SLC4A10: variants seen among roughly 807,000 people sequenced by gnomAD.
SLC4A10 encodes sodium-driven chloride bicarbonate exchanger.
In SLC4A10, 42 loss-of-function variants were observed where a neutral mutation model predicts 137.7. The observed-to-expected ratio is 0.30, with a 90% confidence interval of 0.24 to 0.39. SLC4A10 has a LOEUF of 0.39. Ranked by LOEUF, SLC4A10 falls within the 10% of genes least tolerant of loss-of-function variation. The pLI is 1.00. For missense variants in SLC4A10, 925 were observed against 1,355.0 expected, an observed-to-expected ratio of 0.68 and a Z score of 4.98; for synonymous variants, 474 against 464.1, an observed-to-expected ratio of 1.02 and a Z score of -0.27.
intron 15 of SLC4A10, among the ~76,000 whole-genome samples, chr2:161,914,868 C>G (rs1686742012): frequency 6.6e-6 from 1 of 152,038 alleles, no homozygotes; most frequent in African/African-American, 2.4e-5. Flanking sequence ...TCGATAGTAA[C>G]AGGAGTCAGA....
Position 161,804,544 on chromosome 2 carries a change from G to C in SLC4A10, c.226G>C (p.Asp76His). 1.2e-6 allele frequency: 2 copies of C among 1,613,048 alleles called. No homozygotes were observed. Among genetic ancestry groups the C allele is most frequent in the Non-Finnish European group, 1.7e-6 (2 of 1,179,404 alleles). Residue 76 changes from aspartate to histidine, a missense_variant, in exon 3 of 27, where the codon GAC (aspartate) becomes CAC (histidine). Asp to His is a moderately conservative substitution (Grantham distance 81, BLOSUM62 -1). Coordinates refer to ENST00000446997, the MANE Select transcript of SLC4A10 (RefSeq NM_001178015.2). ...TCGTGGTCATAAACACAGAAAGAGAGACAGAGAAAGAGATTCAGGATTAGA... is the reference window on the plus strand; with the variant it reads ...TCGTGGTCATAAACACAGAAAGAGACACAGAGAAAGAGATTCAGGATTAGA... ...RHRGHKHRKRDRERDSGLEDG... is the reference protein window; with the variant it reads ...RHRGHKHRKRHRERDSGLEDG...
In SLC4A10 at chr2:161,874,188, A is replaced by G. The variant is rs540476259; in HGVS notation, c.948+183A>G. Among the ~76,000 whole-genome samples the G allele has an allele frequency of 4.6e-5, 7 of 152,346 alleles. No individual in the cohort carries two copies. The South Asian group carries it at 6.2e-4, about 14-fold the overall frequency. ...GGAAAAAGTTGTCACAAACTGCCATACATTTAATTTCTGATATTCTTAATT... is the reference window on the plus strand; with the variant it reads ...GGAAAAAGTTGTCACAAACTGCCATGCATTTAATTTCTGATATTCTTAATT... On this transcript the variant is annotated intron_variant, in intron 8 of 26. Transcript: ENST00000446997.
At chr2:161,740,791 A>T (rs1417052651) in intron 1 of SLC4A10, among the ~76,000 whole-genome samples, 1 of 152,206 alleles carries the variant, frequency 6.6e-6, no homozygotes, top group Non-Finnish European at 1.5e-5. Flanking sequence ...TTATGATACT[A>T]GGTAGTGAAA....
Position 161,688,457 on chromosome 2 carries a change from G to A in SLC4A10, c.48+63891G>A, listed in dbSNP as rs2041663121. ...AATACATCTCTTGGGTAGAGTATGC[G>A]ATGCATTAGTACTCCCTGAGGTTTG... On this transcript the variant is annotated intron_variant, in intron 1 of 26. Transcript: ENST00000446997. Among the ~76,000 whole-genome samples the A allele has an allele frequency of 2.6e-5, 4 of 152,134 alleles. No homozygotes were observed. In the South Asian group the frequency reaches 6.2e-4, roughly 24 times the overall value.
chr2:161,911,105 A>T (rs1022150920), intron 15 of SLC4A10, among the ~76,000 whole-genome samples: 3 of 151,984 alleles, frequency 2.0e-5, no homozygotes, highest in Admixed American at 6.6e-5. Context: ...TTAAGTATAC[A>T]TTAAGTGATA....
At chr2:161,897,319 G>T (rs2063605536) in intron 11 of SLC4A10, among the ~76,000 whole-genome samples, 1 of 152,122 alleles carries the variant, frequency 6.6e-6, no homozygotes, top group African/African-American at 2.4e-5. Flanking sequence ...TACTGAATCT[G>T]CCTCCCACAA....
intron 1 of SLC4A10, among the ~76,000 whole-genome samples, chr2:161,693,897 T>A (rs1424058799): frequency 2.6e-5 from 4 of 151,966 alleles, no homozygotes; most frequent in Non-Finnish European, 5.9e-5. Context: ...GTTGTTTCCA[T>A]ATAATGGCCA....
chr2:161,900,998 C>T lies in SLC4A10; in HGVS notation c.1429C>T (p.Gln477Ter). 1 of 1,564,056 alleles carries T rather than the reference C, an allele frequency of 6.4e-7. No homozygotes were observed. ...CGGAGGACATAGTGGACCTGAACTCCAGCGAACTGGAAGGTTAGTGAAAAT... is the reference window on the plus strand; with the variant it reads ...CGGAGGACATAGTGGACCTGAACTCTAGCGAACTGGAAGGTTAGTGAAAAT... Reference protein sequence around the residue: ...PHGGHSGPELQRTGRIFGGLI... With the variant: ...PHGGHSGPEL The change falls in exon 12 of 27, where the codon CAG (glutamine) becomes TAG (stop). Residue 477 changes from glutamine to a stop codon, truncating the protein, a stop_gained. Coordinates refer to ENST00000446997, the MANE Select transcript of SLC4A10 (RefSeq NM_001178015.2). LOFTEE classifies it high-confidence loss of function.
chr2:161,734,586 T>A (rs1009593908), intron 1 of SLC4A10, among the ~76,000 whole-genome samples: 32 of 152,358 alleles, frequency 2.1e-4, no homozygotes, highest in African/African-American at 7.7e-4. Flanking sequence ...TATTTTGTAC[T>A]CTTTAAATCT....
intron 21 of SLC4A10, among the ~76,000 whole-genome samples, chr2:161,963,508 G>T (rs1161510696): frequency 6.6e-6 from 1 of 152,120 alleles, no homozygotes; most frequent in Non-Finnish European, 1.5e-5. Flanking sequence ...AAATTTTTAT[G>T]GTTAAGATGT....
chr2:161,690,963 A>G (rs917876141), intron 1 of SLC4A10, among the ~76,000 whole-genome samples: 1 of 151,826 alleles, frequency 6.6e-6, no homozygotes. Flanking sequence ...ATATTAAATT[A>G]AAAAAAAGAA....
chr2:161,882,476 C>T, intron 10 of SLC4A10, 32 bp downstream of exon 10: 1 of 1,465,196 alleles, frequency 6.8e-7, no homozygotes, highest in Non-Finnish European at 9.2e-7. Flanking sequence ...GAACATTTTC[C>T]CCCATTAGGT....
intron 10 of SLC4A10, among the ~76,000 whole-genome samples, chr2:161,891,010 C>A (rs1245772532): frequency 6.6e-6 from 1 of 152,146 alleles, no homozygotes; most frequent in Admixed American, 6.6e-5. Context: ...AATCTCTCAG[C>A]ATTTGCTTGT....
chr2:161,914,480 C>T (rs1423077685), intron 15 of SLC4A10, among the ~76,000 whole-genome samples: 1 of 152,174 alleles, frequency 6.6e-6, no homozygotes, highest in Non-Finnish European at 1.5e-5. Context: ...CAGGCCAGTC[C>T]TTCTGCTTCA....
At chr2:161,746,860 C>A (rs1000470126) in intron 1 of SLC4A10, among the ~76,000 whole-genome samples, 7 of 152,118 alleles carry the variant, frequency 4.6e-5, no homozygotes, top group Non-Finnish European at 7.3e-5. Context: ...GGGTCCGAGT[C>A]ACTCTAGAAA....
chr2:161,650,080 G>C (rs1366009447), intron 1 of SLC4A10, among the ~76,000 whole-genome samples: 2 of 152,110 alleles, frequency 1.3e-5, no homozygotes, highest in Non-Finnish European at 2.9e-5. Context: ...GCCTTTTTCT[G>C]TTCCAGTTCT....
chr2:161,737,487 T>A (rs2125224609), intron 1 of SLC4A10, among the ~76,000 whole-genome samples: 1 of 151,950 alleles, frequency 6.6e-6, no homozygotes, highest in Non-Finnish European at 1.5e-5. Context: ...TTCTTATTAA[T>A]TAATCACTTG....
intron 1 of SLC4A10, among the ~76,000 whole-genome samples, chr2:161,753,969 G>A (rs377078369): frequency 3.4e-4 from 52 of 151,418 alleles, no homozygotes; most frequent in East Asian, 2.7e-3. Flanking sequence ...GGCTCACTGC[G>A]ATCTCTGCCT....
chr2:161,929,524 C>T (rs548418479), intron 15 of SLC4A10, among the ~76,000 whole-genome samples: 12 of 152,180 alleles, frequency 7.9e-5, no homozygotes, highest in African/African-American at 2.7e-4. Flanking sequence ...TTACATGCAC[C>T]TAAGCTAGGG....
Sources: gnomAD v4.1 joint callset for allele counts (sites outside exome capture counted in the v4.1 genomes callset) on GRCh38, gnomAD v4.1.1 for gene constraint, MANE v1.5 for transcripts, NCBI Gene and HGNC (gene_info 2026-07-23, HGNC 2026-07-21) for gene names.